ERC2: variants seen among roughly 807,000 people sequenced by gnomAD.
ERC2 encodes ERC protein 2.
ERC2 carries 42 observed loss-of-function variants against 114.8 expected under a neutral mutation model. That is an observed-to-expected ratio of 0.37 (90% CI 0.29 to 0.47). The LOEUF (loss-of-function observed/expected upper bound fraction) is 0.47. ERC2 is among the 20% of genes least tolerant of loss of function. ERC2 has a pLI of 0.99. For missense variants in ERC2, 939 were observed against 1,150.7 expected (o/e 0.82, Z 2.66); for synonymous variants, 454 against 425.5 (o/e 1.07, Z -0.82).
chr3:56,456,648 T>G (rs1367888878), intron 1 of ERC2, among the ~76,000 whole-genome samples: 1 of 152,218 alleles, frequency 6.6e-6, no homozygotes, highest in Non-Finnish European at 1.5e-5. Context: ...CTAGCCATAT[T>G]GGGCATGCCT....
intron 3 of ERC2, among the ~76,000 whole-genome samples, chr3:56,255,811 G>A (rs1401088993): frequency 6.6e-6 from 1 of 152,108 alleles, no homozygotes; most frequent in Non-Finnish European, 1.5e-5. Context: ...TCTACTCTAT[G>A]GCTTAGACCC....
At chr3:55,936,042 A>G (rs2149412926) in intron 13 of ERC2, among the ~76,000 whole-genome samples, 1 of 152,296 alleles carries the variant, frequency 6.6e-6, no homozygotes, top group South Asian at 2.1e-4. Context: ...ATTAATAGTA[A>G]TTATCTTATT....
At chr3:55,878,987 T>C (rs1350414) in intron 14 of ERC2, among the ~76,000 whole-genome samples, 28,642 of 152,068 alleles carry the variant, frequency 0.19, 3,259 homozygotes, top group African/African-American at 0.29. Flanking sequence ...GAAAAATAAA[T>C]GCCTAAAAAT....
intron 3 of ERC2, among the ~76,000 whole-genome samples, chr3:56,216,478 C>T (rs923925066): frequency 2.0e-5 from 3 of 152,118 alleles, no homozygotes; most frequent in African/African-American, 4.8e-5. Flanking sequence ...CAATAACAGG[C>T]TCTGAAATTG....
intron 17 of ERC2, among the ~76,000 whole-genome samples, chr3:55,513,288 C>T (rs1344787611): frequency 1.3e-5 from 2 of 152,218 alleles, no homozygotes; most frequent in Non-Finnish European, 2.9e-5. Context: ...ACTGGCGAGG[C>T]CCCATCTGGC....
intron 2 of ERC2, among the ~76,000 whole-genome samples, chr3:56,300,554 G>A (rs1243284127): frequency 6.6e-6 from 1 of 152,118 alleles, no homozygotes; most frequent in African/African-American, 2.4e-5. Context: ...AACTGTAAAA[G>A]CAAAGAGGTA....
At chr3:56,369,094 C>A (rs746551401) in intron 2 of ERC2, among the ~76,000 whole-genome samples, 5 of 152,160 alleles carry the variant, frequency 3.3e-5, no homozygotes, top group Non-Finnish European at 5.9e-5. Context: ...GGCCAAGAAC[C>A]CTGTCTAATT....
intron 14 of ERC2, among the ~76,000 whole-genome samples, chr3:55,835,359 T>C (rs923434200): frequency 6.6e-6 from 1 of 152,138 alleles, no homozygotes; most frequent in Admixed American, 6.5e-5. Context: ...CTCAATGAAA[T>C]ACTGGCAAAC....
At chr3:56,389,146 G>T (rs532495683) in intron 2 of ERC2, among the ~76,000 whole-genome samples, 1 of 152,114 alleles carries the variant, frequency 6.6e-6, no homozygotes, top group Non-Finnish European at 1.5e-5. Context: ...AAAAATATAA[G>T]CCAGTTAAGC....
intron 15 of ERC2, among the ~76,000 whole-genome samples, chr3:55,718,149 G>C (rs1346961982): frequency 6.6e-6 from 1 of 152,142 alleles, no homozygotes; most frequent in Non-Finnish European, 1.5e-5. Context: ...GAGAATTTAT[G>C]ATGGATTTGT....
chr3:55,529,217 A>G (rs1464372854), intron 17 of ERC2, among the ~76,000 whole-genome samples: 1 of 152,122 alleles, frequency 6.6e-6, no homozygotes, highest in African/African-American at 2.4e-5. Flanking sequence ...AACCATCATA[A>G]ACATTTAATT....
At chr3:55,895,159 TAACCCAA>T (rs2063784562) in intron 13 of ERC2, among the ~76,000 whole-genome samples, 1 of 152,204 alleles carries the variant, frequency 6.6e-6, no homozygotes, top group Admixed American at 6.5e-5. Context: ...AGGCCAATCT[TAACCCAA>T]TGTTTCCCAA....
At chr3:56,299,493 G>T (rs1206842787) in intron 2 of ERC2, among the ~76,000 whole-genome samples, 2 of 150,956 alleles carry the variant, frequency 1.3e-5, no homozygotes, top group Non-Finnish European at 3.0e-5. Context: ...GCAGTGGCAT[G>T]ATCTTGGCTC....
intron 9 of ERC2, among the ~76,000 whole-genome samples, chr3:56,009,906 C>G (rs975833982): frequency 6.6e-6 from 1 of 152,132 alleles, no homozygotes; most frequent in African/African-American, 2.4e-5. Context: ...AAATACAGCT[C>G]TAAATTATTT....
chr3:55,703,706 G>A (rs561670593), intron 15 of ERC2, among the ~76,000 whole-genome samples: 1 of 152,368 alleles, frequency 6.6e-6, no homozygotes, highest in African/African-American at 2.4e-5. Context: ...GATGGAGAGG[G>A]CACACAGGCT....
intron 17 of ERC2, among the ~76,000 whole-genome samples, chr3:55,651,785 G>A (rs1319329189): frequency 6.6e-6 from 1 of 152,152 alleles, no homozygotes; most frequent in Admixed American, 6.5e-5. Context: ...TCTCTGATTG[G>A]TGTTTTTAAT....
intron 3 of ERC2, among the ~76,000 whole-genome samples, chr3:56,292,059 C>T (rs2150348470): frequency 6.6e-6 from 1 of 152,242 alleles, no homozygotes; most frequent in South Asian, 2.1e-4. Flanking sequence ...AACACCAGTG[C>T]AACAAGAGAA....
At chr3:56,141,414 T>C (rs991309835) in intron 5 of ERC2, among the ~76,000 whole-genome samples, 1 of 152,158 alleles carries the variant, frequency 6.6e-6, no homozygotes, top group Non-Finnish European at 1.5e-5. Flanking sequence ...CACCATGTTC[T>C]AGAAGCTCAA....
chr3:56,003,032 G>A (rs190831141), intron 10 of ERC2: 63 of 1,168,522 alleles, frequency 5.4e-5, no homozygotes, highest in Admixed American at 3.2e-4. Context: ...ATGGCACACC[G>A]TGACTGGTGA....
Sources: allele counts gnomAD v4.1 joint callset (sites outside exome capture counted in the v4.1 genomes callset), GRCh38; gene constraint gnomAD v4.1.1; transcripts MANE v1.5; gene names NCBI Gene and HGNC (gene_info 2026-07-23, HGNC 2026-07-21).